Variants in CDC42SE2 observed in about 807,000 individuals in gnomAD.
CDC42SE2 encodes the protein CDC42 small effector 2.
Under a neutral mutation model 11.5 loss-of-function variants are expected in CDC42SE2, and 3 were observed. The observed-to-expected ratio is 0.26, with a 90% CI of 0.12 to 0.67. The LOEUF (loss-of-function observed/expected upper bound fraction) is 0.67. Ranked by LOEUF, CDC42SE2 falls within the 30% of genes least tolerant of loss-of-function variation. CDC42SE2 has a pLI of 0.80. For missense variants in CDC42SE2, 82 were observed against 106.8 expected, an observed-to-expected ratio of 0.77 and a Z score of 1.02; for synonymous variants, 33 against 34.8, an observed-to-expected ratio of 0.95 and a Z score of 0.18.
intron 1 of CDC42SE2, among the ~76,000 whole-genome samples, chr5:131,293,756 T>C (rs921989977): frequency 1.3e-5 from 2 of 152,206 alleles, no homozygotes; most frequent in African/African-American, 4.8e-5. Context: ...ACTTTTCTTA[T>C]GTTCTTTATT....
intron 2 of CDC42SE2, among the ~76,000 whole-genome samples, chr5:131,347,148 A>G (rs2149758644): frequency 6.6e-6 from 1 of 152,366 alleles, no homozygotes; most frequent in South Asian, 2.1e-4. Context: ...AACTAAGATC[A>G]GAGCTGAACT....
At chr5:131,269,713 G>A (rs1286100753) in intron 1 of CDC42SE2, among the ~76,000 whole-genome samples, 2 of 151,888 alleles carry the variant, frequency 1.3e-5, no homozygotes, top group African/African-American at 4.8e-5. Flanking sequence ...GCAGTGAGCC[G>A]AGATTGCGCC....
chr5:131,310,952 A>G (rs1467120220), intron 1 of CDC42SE2, among the ~76,000 whole-genome samples: 2 of 150,580 alleles, frequency 1.3e-5, no homozygotes, highest in Non-Finnish European at 3.0e-5. Context: ...TTTAAAGTTA[A>G]TATTGTTATG....
Position 131,324,649 on chromosome 5 carries a change from T to C in CDC42SE2, c.-286+8505T>C, listed in dbSNP as rs369701760. Among the ~76,000 whole-genome samples the C allele has an allele frequency of 3.1e-4, 47 of 152,206 alleles. No individual in the cohort carries two copies. In the East Asian group the frequency reaches 8.9e-3, roughly 29 times the overall value. On this transcript the variant is annotated intron_variant, in intron 2 of 4. Transcript: ENST00000505065. ...TGTAGTAAAAATAAGACCAATACTT[T>C]CTTTGGCATGGTAGATACTGACATT...
At chr5:131,290,561 C>T (rs1315085324) in intron 1 of CDC42SE2, among the ~76,000 whole-genome samples, 1 of 150,172 alleles carries the variant, frequency 6.7e-6, no homozygotes, top group Non-Finnish European at 1.5e-5. Flanking sequence ...CAATGGCAGC[C>T]TCCACCTCCC....
chr5:131,385,613 G>A lies in CDC42SE2; in HGVS notation c.125G>A (p.Gly42Glu). 1 of 1,613,436 alleles carries A rather than the reference G, an allele frequency of 6.2e-7. No individual in the cohort carries two copies. Reference protein sequence around the residue: ...PTNFVHTAHVGSGDLFSGMNS... With the variant: ...PTNFVHTAHVESGDLFSGMNS... ...AACTTTGTGCATACAGCTCATGTTGGATCAGGAGACCTGTTCAGTGGAATG... is the reference window on the plus strand; with the variant it reads ...AACTTTGTGCATACAGCTCATGTTGAATCAGGAGACCTGTTCAGTGGAATG... The change falls in exon 4 of 5, where the codon GGA becomes GAA. Residue 42 changes from glycine to glutamate, a missense_variant. Physicochemically the swap from Gly to Glu is moderately conservative, Grantham distance 98. Transcript: ENST00000505065.
Position 131,326,127 on chromosome 5 carries a change from C to T in CDC42SE2, c.-286+9983C>T, listed in dbSNP as rs190365348. Reference sequence around the variant, plus strand: ...CGAGATTTTTTTTTTTTTTTTGAGACGGAGTCTCGCTCTGTCCCCCAGGCT... The same window carrying T: ...CGAGATTTTTTTTTTTTTTTTGAGATGGAGTCTCGCTCTGTCCCCCAGGCT... On this transcript the variant is annotated intron_variant, in intron 2 of 4. Coordinates refer to ENST00000505065, the MANE Select transcript of CDC42SE2 (RefSeq NM_001375635.1). 6.2e-4 allele frequency among the ~76,000 whole-genome samples: 91 copies of T among 146,964 alleles called. No homozygotes were observed. In the East Asian group the frequency reaches 0.013, roughly 21 times the overall value.
chr5:131,219,895 C>CA, the CDC42SE2 span, among the ~76,000 whole-genome samples: 2 of 152,124 alleles, frequency 1.3e-5, no homozygotes, highest in Non-Finnish European at 2.9e-5. Context: ...CATGATTGCA[C>CA]CACTGCACTC....
intron 1 of CDC42SE2, among the ~76,000 whole-genome samples, chr5:131,296,884 C>CTT (rs1457713125): frequency 1.3e-5 from 2 of 151,900 alleles, no homozygotes; most frequent in African/African-American, 2.4e-5. Flanking sequence ...TTCTTTCTTT[C>CTT]TTTCTTTTTT....
intron 1 of CDC42SE2, among the ~76,000 whole-genome samples, chr5:131,314,967 G>T (rs965932236): frequency 6.6e-6 from 1 of 152,144 alleles, no homozygotes; most frequent in Non-Finnish European, 1.5e-5. Context: ...TTTATGACTG[G>T]AATTCTAAGA....
intron 2 of CDC42SE2, among the ~76,000 whole-genome samples, chr5:131,343,713 CAAA>C (rs530307746): frequency 9.9e-6 from 1 of 101,018 alleles, no homozygotes. Context: ...AACTCTGTCT[CAAA>C]AAAAAAAAAA....
At chr5:131,241,241 C>T (rs562455081), upstream of CDC42SE2, among the ~76,000 whole-genome samples, 46 of 152,198 alleles carry the variant, frequency 3.0e-4, no homozygotes, top group African/African-American at 1.0e-3. Flanking sequence ...GGATTACAGG[C>T]GTGAGCCACC....
rs536241845 is a variant in CDC42SE2 at position 131,272,450 on chromosome 5, TA to T, written c.-455+8289del. Reference sequence around the variant, plus strand: ...GCTCATGACCTTGTTTCCTGTATGTTAAAAATGAAAGCGATCAGAATAAAAC... The same window carrying T: ...GCTCATGACCTTGTTTCCTGTATGTTAAAATGAAAGCGATCAGAATAAAAC... On this transcript the variant is annotated intron_variant, in intron 1 of 4. Transcript: ENST00000505065. 2.1e-4 allele frequency among the ~76,000 whole-genome samples: 32 copies of T among 152,310 alleles called. 1 individual carries two copies. In the South Asian group the frequency reaches 6.6e-3, roughly 32 times the overall value.
chr5:131,276,376 A>G (rs1757102429), intron 1 of CDC42SE2, among the ~76,000 whole-genome samples: 1 of 146,158 alleles, frequency 6.8e-6, no homozygotes, highest in African/African-American at 2.5e-5. Context: ...TTGAGCCTAG[A>G]AGGTTGAGGC....
chr5:131,282,271 G>A (rs1047516536), intron 1 of CDC42SE2, among the ~76,000 whole-genome samples: 2 of 152,194 alleles, frequency 1.3e-5, no homozygotes, highest in African/African-American at 2.4e-5. Context: ...ACATAGAGAA[G>A]TCACTTTTAA....
At chr5:131,372,436 C>T (rs568546396) in intron 3 of CDC42SE2, among the ~76,000 whole-genome samples, 25 of 152,010 alleles carry the variant, frequency 1.6e-4, no homozygotes, top group South Asian at 6.2e-4. Context: ...AAAGGCTGGG[C>T]GCGGTGGTGG....
chr5:131,316,871 A>G (rs1265055444), intron 2 of CDC42SE2, among the ~76,000 whole-genome samples: 2 of 152,156 alleles, frequency 1.3e-5, no homozygotes, highest in African/African-American at 4.8e-5. Flanking sequence ...ATCTAGATTT[A>G]TTTGGTTTCT....
chr5:131,287,462 TTC>T (rs201592511), intron 1 of CDC42SE2, among the ~76,000 whole-genome samples: 3,739 of 151,874 alleles, frequency 0.025, 71 homozygotes, highest in Middle Eastern at 0.14. Context: ...AGAATTTTTT[TTC>T]TTTTTCTTTT....
chr5:131,356,647 C>T (rs570445478), intron 2 of CDC42SE2, among the ~76,000 whole-genome samples: 5 of 152,158 alleles, frequency 3.3e-5, no homozygotes, highest in East Asian at 3.9e-4. Context: ...AGGCCAGGTG[C>T]GGTGGCTCAT....
Sources: allele counts gnomAD v4.1 joint callset (sites outside exome capture counted in the v4.1 genomes callset), GRCh38; gene constraint gnomAD v4.1.1; transcripts MANE v1.5; gene names NCBI Gene and HGNC (gene_info 2026-07-23, HGNC 2026-07-21).